Variants in C3orf33 observed in about 807,000 individuals in gnomAD.
C3orf33 encodes the protein mitochondrial inner membrane subdomain organizer 1.
C3orf33 carries 23 observed loss-of-function variants against 28.7 expected under a neutral mutation model. That is an observed-to-expected ratio of 0.80 (90% confidence interval 0.58 to 1.13). The LOEUF (loss-of-function observed/expected upper bound fraction) is 1.13. Ranked by LOEUF, C3orf33 falls within the 50% of genes most tolerant of loss-of-function variation. The pLI is 0.00. For synonymous variants in C3orf33, 119 were observed against 120.5 expected, an observed-to-expected ratio of 0.99 and a Z score of 0.08; for missense variants, 327 against 353.4, an observed-to-expected ratio of 0.93 and a Z score of 0.60.
chr3:155,779,120 C>T (rs974811481), intron 2 of C3orf33, among the ~76,000 whole-genome samples: 44 of 152,124 alleles, frequency 2.9e-4, no homozygotes, highest in African/African-American at 1.1e-3. Context: ...AAAAGTATAA[C>T]ATTGCTGCTA....
intron 1 of C3orf33, among the ~76,000 whole-genome samples, chr3:155,803,800 A>G (rs919648167): frequency 4.7e-5 from 7 of 149,336 alleles, no homozygotes; most frequent in Non-Finnish European, 8.9e-5. Context: ...GAGAATCGCT[A>G]GAACCCAGGA....
At chr3:155,774,273 G>A (rs573672888) in intron 3 of C3orf33, among the ~76,000 whole-genome samples, 53 of 152,284 alleles carry the variant, frequency 3.5e-4, no homozygotes, top group African/African-American at 1.2e-3. Context: ...GCAGAAAAAG[G>A]TGAATAAGTA....
At chr3:155,780,202 T>C (rs1009413287) in intron 2 of C3orf33, among the ~76,000 whole-genome samples, 1 of 152,120 alleles carries the variant, frequency 6.6e-6, no homozygotes, top group African/African-American at 2.4e-5. Flanking sequence ...ACCTACACTC[T>C]AGGAGAGGCA....
At chr3:155,790,289 C>T (rs1311483131) in intron 2 of C3orf33, among the ~76,000 whole-genome samples, 1 of 139,460 alleles carries the variant, frequency 7.2e-6, no homozygotes, top group Non-Finnish European at 1.5e-5. Flanking sequence ...CTTGATAGAG[C>T]AAAGACCCAA....
At chr3:155,791,087 AG>A (rs1314912293) in intron 2 of C3orf33, among the ~76,000 whole-genome samples, 1 of 152,170 alleles carries the variant, frequency 6.6e-6, no homozygotes, top group Non-Finnish European at 1.5e-5. Flanking sequence ...GGAGAGGAAA[AG>A]GAAGAGTAAA....
intron 2 of C3orf33, among the ~76,000 whole-genome samples, chr3:155,782,391 T>C (rs1309851935): frequency 6.7e-6 from 1 of 148,818 alleles, no homozygotes; most frequent in African/African-American, 2.5e-5. Flanking sequence ...CAGACAAATA[T>C]AAACATCCAA....
intron 2 of C3orf33, among the ~76,000 whole-genome samples, chr3:155,779,560 G>A (rs764348761): frequency 9.2e-5 from 14 of 152,120 alleles, no homozygotes; most frequent in African/African-American, 2.4e-4. Flanking sequence ...CTCCCAAAGC[G>A]CTGGGATTAC....
intron 4 of C3orf33, among the ~76,000 whole-genome samples, chr3:155,766,085 T>C (rs999773902): frequency 6.6e-5 from 10 of 152,156 alleles, no homozygotes; most frequent in African/African-American, 2.4e-4. Context: ...TTGGAGTACA[T>C]TGGTGCGATC....
chr3:155,798,243 T>C (rs905575650), intron 2 of C3orf33, among the ~76,000 whole-genome samples: 5 of 152,110 alleles, frequency 3.3e-5, no homozygotes, highest in African/African-American at 1.2e-4. Flanking sequence ...AAAATACCAA[T>C]GGCATTCTTC....
At chr3:155,781,384 T>C (rs1265429848) in intron 2 of C3orf33, among the ~76,000 whole-genome samples, 1 of 152,326 alleles carries the variant, frequency 6.6e-6, no homozygotes, top group South Asian at 2.1e-4. Context: ...TTTTGTTTGC[T>C]TGTTTTTGTT....
intron 3 of C3orf33, among the ~76,000 whole-genome samples, chr3:155,771,056 T>TGTGTGTGTG (rs1271435779): frequency 5.1e-5 from 7 of 136,182 alleles, no homozygotes; most frequent in African/African-American, 1.3e-4. Flanking sequence ...TGTGTGTGTG[T>TGTGTGTGTG]TGAGACATAG....
At chr3:155,764,304 GAAACT>G (rs1298995058) in intron 4 of C3orf33, among the ~76,000 whole-genome samples, 1 of 152,226 alleles carries the variant, frequency 6.6e-6, no homozygotes, top group East Asian at 1.9e-4. Flanking sequence ...GAGATGAAGA[GAAACT>G]AAACTAAAAG....
chr3:155,781,180 T>C, intron 2 of C3orf33, among the ~76,000 whole-genome samples: 1 of 150,954 alleles, frequency 6.6e-6, no homozygotes. Context: ...TTTTTTGTAT[T>C]TTTTTTTAGT....
At chr3:155,778,114 C>A (rs184670079) in intron 2 of C3orf33, among the ~76,000 whole-genome samples, 57 of 132,580 alleles carry the variant, frequency 4.3e-4, no homozygotes, top group Non-Finnish European at 7.7e-5. Flanking sequence ...CGTGCCACTG[C>A]ACTCCAGCCT....
intron 4 of C3orf33, among the ~76,000 whole-genome samples, chr3:155,765,949 T>G (rs1288447149): frequency 6.6e-6 from 1 of 152,254 alleles, no homozygotes; most frequent in Non-Finnish European, 1.5e-5. Context: ...CATCTGGACA[T>G]GCAAAAATTA....
At chr3:155,767,758 T>C (rs1057256431) in intron 3 of C3orf33, 89 bp from the exon 4 acceptor site, 2 of 836,278 alleles carry the variant, frequency 2.4e-6, no homozygotes, top group East Asian at 2.9e-5. Context: ...AACAAACAAA[T>C]ATATTATGTT....
chr3:155,788,897 G>A (rs1476339462), intron 2 of C3orf33, among the ~76,000 whole-genome samples: 1 of 152,096 alleles, frequency 6.6e-6, no homozygotes, highest in African/African-American at 2.4e-5. Flanking sequence ...AAATACCTCT[G>A]TTCACAGATT....
intron 2 of C3orf33, among the ~76,000 whole-genome samples, chr3:155,796,346 G>C (rs1264415840): frequency 6.6e-6 from 1 of 152,072 alleles, no homozygotes; most frequent in Non-Finnish European, 1.5e-5. Flanking sequence ...AAATTCAAAA[G>C]ATTATTAGAG....
chr3:155,797,020 G>A (rs570078658), intron 2 of C3orf33, among the ~76,000 whole-genome samples: 1 of 152,110 alleles, frequency 6.6e-6, no homozygotes, highest in East Asian at 1.9e-4. Context: ...GCAAAACCCC[G>A]CCTCTACTAA....
Sources: gnomAD v4.1 joint callset for allele counts (sites outside exome capture counted in the v4.1 genomes callset) on GRCh38, gnomAD v4.1.1 for gene constraint, MANE v1.5 for transcripts, NCBI Gene and HGNC (gene_info 2026-07-23, HGNC 2026-07-21) for gene names.